Variants in SULT1C2 observed in about 807,000 individuals in gnomAD.
SULT1C2 encodes the protein sulfotransferase 1C2.
SULT1C2 carries 27 observed loss-of-function variants against 36.0 expected under a neutral mutation model. That is an observed-to-expected ratio of 0.75 (90% confidence interval 0.55 to 1.03). The LOEUF (loss-of-function observed/expected upper bound fraction) is 1.03. Among genes scored for constraint, SULT1C2 ranks in the 50% least tolerant of loss-of-function variants. The pLI is 0.00. For missense variants in SULT1C2, 395 were observed against 359.2 expected, an observed-to-expected ratio of 1.10 and a Z score of -0.80; for synonymous variants, 121 against 116.0, an observed-to-expected ratio of 1.04 and a Z score of -0.27.
At chr2:108,289,950 G>A (rs545328702) in intron 1 of SULT1C2, among the ~76,000 whole-genome samples, 3 of 152,282 alleles carry the variant, frequency 2.0e-5, no homozygotes, top group East Asian at 3.9e-4. Flanking sequence ...GCCCTTAACC[G>A]CCCTGGTCCT....
At chr2:108,291,123 G>T (rs886493253) in intron 1 of SULT1C2, among the ~76,000 whole-genome samples, 1 of 152,168 alleles carries the variant, frequency 6.6e-6, no homozygotes. Flanking sequence ...GATTCATGTG[G>T]CTGTAGGATG....
intron 1 of SULT1C2, among the ~76,000 whole-genome samples, chr2:108,290,955 C>T (rs1445432273): frequency 6.6e-6 from 1 of 152,232 alleles, no homozygotes; most frequent in East Asian, 1.9e-4. Flanking sequence ...AATTTAGCAG[C>T]TTAAGACAAT....
At chr2:108,306,061 T>C (rs1333287686) in intron 7 of SULT1C2, among the ~76,000 whole-genome samples, 1 of 152,170 alleles carries the variant, frequency 6.6e-6, no homozygotes, top group East Asian at 1.9e-4. Context: ...TTCCGGTCTC[T>C]CCACCCATTA....
chr2:108,295,486 A>G (rs1676702363), intron 3 of SULT1C2, among the ~76,000 whole-genome samples: 1 of 152,198 alleles, frequency 6.6e-6, no homozygotes, highest in South Asian at 2.1e-4. Flanking sequence ...GGATGGTATA[A>G]TAGTTAAGGA....
At chr2:108,300,567 G>A in intron 3 of SULT1C2, 1 of 473,076 alleles carries the variant, frequency 2.1e-6, no homozygotes. Flanking sequence ...CTCTGCCTCA[G>A]CAGGACTTCA....
rs1677001118 is a variant in SULT1C2 at position 108,305,504 on chromosome 2, AT to A, written c.690del (p.Phe230LeufsTer4). 1.5e-5 allele frequency: 24 copies of A among 1,614,208 alleles called. No homozygotes were observed. The highest frequency in any genetic ancestry group is 2.0e-5 in the Non-Finnish European group (24 of 1,180,040). ...VLDKIVQETS[F>X]EKMKENPMTN... ...TAGATAAAATTGTCCAGGAGACGTC[AT>A]TTGAGAAAATGAAAGAAAATCCCAT... On this transcript the variant is annotated frameshift_variant, in exon 7 of 8. Coordinates refer to ENST00000251481, the MANE Select transcript of SULT1C2 (RefSeq NM_001056.4). LOFTEE classifies it high-confidence loss of function.
chr2:108,308,601 T>A lies in SULT1C2; in HGVS notation c.*137T>A. 3.0e-6 allele frequency: 2 copies of A among 658,696 alleles called. No individual in the cohort carries two copies. Among genetic ancestry groups the A allele is most frequent in the Non-Finnish European group, 4.9e-6 (2 of 409,574 alleles). 40.8% of individuals were successfully genotyped at this position (658,696 alleles called of 1,614,324 possible). On this transcript the variant is annotated 3_prime_UTR_variant, in exon 8 of 8. Coordinates refer to ENST00000251481, the MANE Select transcript of SULT1C2 (RefSeq NM_001056.4). ...TAGTACAAACAATCTCTGTGATGAT[T>A]AACAGTATGTCACCACTTCATTTTT...
At chr2:108,289,518 G>A (rs1298094309) in intron 1 of SULT1C2, among the ~76,000 whole-genome samples, 5 of 152,308 alleles carry the variant, frequency 3.3e-5, no homozygotes, top group South Asian at 4.1e-4. Flanking sequence ...ATTGTAGGAC[G>A]TGGAGTAAGA....
At chr2:108,296,350 C>A (rs1046787541) in intron 3 of SULT1C2, among the ~76,000 whole-genome samples, 2 of 152,150 alleles carry the variant, frequency 1.3e-5, no homozygotes, top group Admixed American at 6.5e-5. Flanking sequence ...CTTTAGGAAC[C>A]AAGGTGCCCT....
At chr2:108,300,741 CA>C in intron 3 of SULT1C2, 96 bp from the exon 4 acceptor site, 1 of 1,506,202 alleles carries the variant, frequency 6.6e-7, no homozygotes, top group Non-Finnish European at 8.9e-7. Flanking sequence ...AGCAGAAAGA[CA>C]GGTGGGTGAT....
chr2:108,292,596 A>G (rs1676620528), intron 1 of SULT1C2, among the ~76,000 whole-genome samples: 1 of 152,176 alleles, frequency 6.6e-6, no homozygotes, highest in East Asian at 1.9e-4. Context: ...ATCAAAACCA[A>G]AAAAACAAAC....
In SULT1C2 at chr2:108,294,249, A is replaced by G. The variant is rs769467880; in HGVS notation, c.172A>G (p.Ile58Val). The G allele has an allele frequency of 6.2e-7, 1 of 1,613,840 alleles. No homozygotes were observed. Among genetic ancestry groups the G allele is most frequent in the South Asian group, 1.1e-5 (1 of 91,014 alleles). The change falls in exon 3 of 8, where the codon ATT (isoleucine) becomes GTT (valine). Residue 58 changes from isoleucine (I) to valine (V), a missense_variant. Ile to Val is a conservative substitution (Grantham distance 29). Coordinates refer to ENST00000251481, the MANE Select transcript of SULT1C2 (RefSeq NM_001056.4). Reference sequence around the variant, plus strand: ...CTCAGGGACAACGTGGATTCAGGAAATTGTGGATATGATTGAACAGAATGG... The same window carrying G: ...CTCAGGGACAACGTGGATTCAGGAAGTTGTGGATATGATTGAACAGAATGG... ...PKAGTTWIQE[I>V]VDMIEQNGDV... is the part of the protein sequence containing the mutation.
At chr2:108,292,667 C>G (rs1381148987) in intron 1 of SULT1C2, among the ~76,000 whole-genome samples, 1 of 152,152 alleles carries the variant, frequency 6.6e-6, no homozygotes, top group Non-Finnish European at 1.5e-5. Flanking sequence ...CCCTTGTGCA[C>G]TGCTTGTAAA....
intron 4 of SULT1C2, chr2:108,302,300 G>A (rs549484338): frequency 1.1e-4 from 16 of 152,352 alleles, no homozygotes; most frequent in Middle Eastern, 6.8e-3. Flanking sequence ...CCACTGAAGG[G>A]CTACATCCTC....
intron 1 of SULT1C2, among the ~76,000 whole-genome samples, chr2:108,289,620 GC>G (rs1349471535): frequency 3.3e-5 from 5 of 152,212 alleles, no homozygotes; most frequent in African/African-American, 4.8e-5. Context: ...CACAAAGGAG[GC>G]CATAGTGATC....
chr2:108,309,422 G>C lies in SULT1C2; in HGVS notation c.*958G>C, dbSNP rs933852580. ...TGCCTGGCACACAGCAAGTGCCCTT[G>C]AGAACTTGTAGAGGGAGTAAAAAAG... On this transcript the variant is annotated 3_prime_UTR_variant, in exon 8 of 8. Transcript: ENST00000251481. 2.0e-5 allele frequency: 3 copies of C among 152,206 alleles called. No homozygotes were observed. The highest frequency in any genetic ancestry group is 7.2e-5 in the African/African-American group (3 of 41,448). The allele number at this position is 152,206 out of a possible 1,614,324, so 9.4% of individuals were successfully genotyped here.
At chr2:108,290,294 C>T (rs1667959871) in intron 1 of SULT1C2, among the ~76,000 whole-genome samples, 1 of 152,168 alleles carries the variant, frequency 6.6e-6, no homozygotes, top group African/African-American at 2.4e-5. Context: ...GTGTCCTAAT[C>T]TCCTCTCATT....
chr2:108,295,153 T>C (rs531655577), intron 3 of SULT1C2, among the ~76,000 whole-genome samples: 1 of 152,358 alleles, frequency 6.6e-6, no homozygotes, highest in African/African-American at 2.4e-5. Context: ...AGAAATTCCC[T>C]GATCTGATGC....
chr2:108,298,417 A>C (rs2104417502), intron 3 of SULT1C2: 1 of 157,512 alleles, frequency 6.3e-6, no homozygotes, highest in South Asian at 1.7e-4. Flanking sequence ...TCTGTCACCC[A>C]GGCTAGAGTG....
Sources: gnomAD v4.1 joint callset for allele counts (sites outside exome capture counted in the v4.1 genomes callset) on GRCh38, gnomAD v4.1.1 for gene constraint, MANE v1.5 for transcripts, NCBI Gene and HGNC (gene_info 2026-07-23, HGNC 2026-07-21) for gene names.